Variants in CDH7 observed in about 807,000 individuals in gnomAD.
CDH7 encodes the protein cadherin 7.
In CDH7, 25 loss-of-function variants were observed where a neutral mutation model predicts 71.8. That is an observed-to-expected ratio of 0.35 (90% CI 0.25 to 0.49). The LOEUF is 0.49. CDH7 is among the 20% of genes least tolerant of loss of function. The pLI, the probability that CDH7 is intolerant of heterozygous loss-of-function variation, is 0.99. For synonymous variants in CDH7, 381 were observed against 363.8 expected, an observed-to-expected ratio of 1.05 and a Z score of -0.54; for missense variants, 862 against 974.6, an observed-to-expected ratio of 0.88 and a Z score of 1.54.
intron 8 of CDH7, among the ~76,000 whole-genome samples, chr18:65,858,569 A>G (rs1384709744): frequency 6.6e-6 from 1 of 151,982 alleles, no homozygotes; most frequent in African/African-American, 2.4e-5. Flanking sequence ...ATCAGGGACT[A>G]AAAAACTACA....
chr18:65,775,525 C>G (rs1909905609), intron 2 of CDH7, among the ~76,000 whole-genome samples: 1 of 152,102 alleles, frequency 6.6e-6, no homozygotes, highest in African/African-American at 2.4e-5. Context: ...GTTTTATTTT[C>G]AAGCATATTT....
In CDH7 at chr18:65,809,712, T is replaced by C; in HGVS notation, c.219T>C (p.Ser73=). ...CATGAATTTTTCACCAGCTTCACTC[T>C]GATGTTGATAAAGGAGATGGTTCCA... is the stretch of plus-strand genomic sequence containing the variant. ...SDPLYVGKLH[S]DVDKGDGSIK... is the part of the protein sequence containing the mutation. Residue 73 remains serine (S), a synonymous_variant, in exon 3 of 12, where the codon TCT becomes TCC. Transcript: ENST00000397968. 4 of 1,612,560 alleles carry C rather than the reference T, an allele frequency of 2.5e-6. No homozygotes were observed. Among genetic ancestry groups the C allele is most frequent in the Non-Finnish European group, 3.4e-6 (4 of 1,178,776 alleles).
intron 11 of CDH7, among the ~76,000 whole-genome samples, chr18:65,869,218 C>T (rs1343745634): frequency 1.2e-5 from 1 of 80,920 alleles, no homozygotes; most frequent in Non-Finnish European, 2.6e-5. Flanking sequence ...GATTTTTGTC[C>T]AGGGTCTTTT....
intron 2 of CDH7, among the ~76,000 whole-genome samples, chr18:65,808,622 T>A (rs1911412255): frequency 6.6e-6 from 1 of 151,980 alleles, no homozygotes; most frequent in Non-Finnish European, 1.5e-5. Flanking sequence ...CAAAAGGCAA[T>A]GTCCTCAACA....
rs1914433589 is a variant in CDH7, at chr18:65,888,634, C to A, written c.*7740C>A. 6.6e-6 allele frequency: 1 copy of A among 152,032 alleles called. No individual in the cohort carries two copies. Among genetic ancestry groups the A allele is most frequent in the Non-Finnish European group, 1.5e-5 (1 of 68,020 alleles). The allele number at this position is 152,032 out of a possible 1,614,324, so 9.4% of individuals were successfully genotyped here. ...AATTTTAAGTTAGATAACATTCTAA[C>A]ATATACATGGTTTCAATTTTCTTAT... On this transcript the variant is annotated 3_prime_UTR_variant, in exon 12 of 12. Coordinates refer to ENST00000397968, the MANE Select transcript of CDH7 (RefSeq NM_004361.5).
At chr18:65,757,564 A>T (rs1051593403) in intron 1 of CDH7, among the ~76,000 whole-genome samples, 7 of 152,160 alleles carry the variant, frequency 4.6e-5, no homozygotes, top group Middle Eastern at 3.2e-3. Flanking sequence ...GCCTTAAAAT[A>T]TCAAACAAAA....
rs755990764 is a variant in CDH7 at position 65,843,773 on chromosome 18, TA to T, written c.982-37del. ...AAAAGGCTCTGCTTTGCTGACTGTTTAACCGGTAATTTAATTTTCCTAACGA... is the reference window on the plus strand; with the variant it reads ...AAAAGGCTCTGCTTTGCTGACTGTTTACCGGTAATTTAATTTTCCTAACGA... On this transcript the variant is annotated intron_variant, in intron 6 of 11. Coordinates refer to ENST00000397968, the MANE Select transcript of CDH7 (RefSeq NM_004361.5). 2.7e-6 allele frequency: 4 copies of T among 1,469,044 alleles called. No homozygotes were observed. The South Asian group carries it at 5.8e-5, about 21-fold the overall frequency. The allele number at this position is 1,469,044 out of a possible 1,614,324, so 91.0% of individuals were successfully genotyped here.
intron 2 of CDH7, among the ~76,000 whole-genome samples, chr18:65,778,010 C>T (rs1428400947): frequency 6.6e-6 from 1 of 152,056 alleles, no homozygotes; most frequent in Non-Finnish European, 1.5e-5. Context: ...TGGTGGCTCA[C>T]GCCTATAATC....
Position 65,770,933 on chromosome 18 carries a change from A to G in CDH7, c.210+7881A>G, listed in dbSNP as rs147286511. On this transcript the variant is annotated intron_variant, in intron 2 of 11. Coordinates refer to ENST00000397968, the MANE Select transcript of CDH7 (RefSeq NM_004361.5). ...AGATTAGATAACTTAAACAATAGAA[A>G]TTTCTTTCTCATCGTTCTGGCTGAG... Among the ~76,000 whole-genome samples the G allele has an allele frequency of 2.0e-3, 307 of 152,296 alleles. 2 individuals are homozygous for G. Among genetic ancestry groups the G allele is most frequent in the Middle Eastern group, 0.01 (3 of 294 alleles).
intron 11 of CDH7, among the ~76,000 whole-genome samples, chr18:65,872,267 G>A (rs964651217): frequency 2.6e-5 from 4 of 152,106 alleles, no homozygotes; most frequent in African/African-American, 9.7e-5. Flanking sequence ...GTCATTGGTA[G>A]CCTTGGTCCC....
At chr18:65,844,975 A>T (rs1337376396) in intron 7 of CDH7, among the ~76,000 whole-genome samples, 1 of 152,030 alleles carries the variant, frequency 6.6e-6, no homozygotes, top group African/African-American at 2.4e-5. Context: ...CTATCCACAG[A>T]CTTTTAGATT....
At position 65,887,516 on chromosome 18, in the gene CDH7, A is replaced by T. The variant is rs1040369654; in HGVS notation, c.*6622A>T. On this transcript the variant is annotated 3_prime_UTR_variant, in exon 12 of 12. Coordinates refer to ENST00000397968, the MANE Select transcript of CDH7 (RefSeq NM_004361.5). ...ATGCAGTAATTTTAAATGCCCAAAA[A>T]TAAAAGGAAAAGGAAAAATAAGTCA... 2 of 151,524 alleles carry T rather than the reference A, an allele frequency of 1.3e-5. No individual in the cohort carries two copies. The highest frequency in any genetic ancestry group is 2.9e-5 in the Non-Finnish European group (2 of 67,952). The allele number at this position is 151,524 out of a possible 1,614,324, so 9.4% of individuals were successfully genotyped here.
At chr18:65,822,604 A>G (rs1911977362) in intron 5 of CDH7, among the ~76,000 whole-genome samples, 1 of 152,066 alleles carries the variant, frequency 6.6e-6, no homozygotes, top group African/African-American at 2.4e-5. Context: ...GTTGCCAATT[A>G]ATAATATTCA....
In CDH7 at chr18:65,807,809, A is replaced by T. The variant is rs540005456; in HGVS notation, c.211-1895A>T. ...CCTTCTCATAAGTCATAAAATGCAC[A>T]CATGGAAACCACTGGAAGCACTGAG... On this transcript the variant is annotated intron_variant, in intron 2 of 11. Transcript: ENST00000397968. Among the ~76,000 whole-genome samples the T allele has an allele frequency of 2.6e-5, 4 of 152,346 alleles. 1 individual carries two copies. In the East Asian group the frequency reaches 7.7e-4, roughly 29 times the overall value.
intron 2 of CDH7, among the ~76,000 whole-genome samples, chr18:65,782,271 A>G (rs1196791452): frequency 6.6e-6 from 1 of 151,274 alleles, no homozygotes; most frequent in Non-Finnish European, 1.5e-5. Context: ...GGTTCAAGCA[A>G]TTCTGCCACT....
intron 1 of CDH7, among the ~76,000 whole-genome samples, chr18:65,753,391 T>C (rs2143767012): frequency 6.6e-6 from 1 of 152,346 alleles, no homozygotes; most frequent in Admixed American, 6.5e-5. Flanking sequence ...ACAATCTTCC[T>C]GGATTTCATA....
In CDH7 at chr18:65,781,771, C is replaced by CTTTCTTTCT. The variant is rs1568181257; in HGVS notation, c.210+18721_210+18722insTCTTTCTTT. On this transcript the variant is annotated intron_variant, in intron 2 of 11. Coordinates refer to ENST00000397968, the MANE Select transcript of CDH7 (RefSeq NM_004361.5). ...GTTGATTTCTTTCTTTCTTTCTTTC[C>CTTTCTTTCT]TTCCTTCCTTCCTTCCTTCCTTCCT... Among the ~76,000 whole-genome samples the CTTTCTTTCT allele has an allele frequency of 1.6e-3, 63 of 39,062 alleles. 10 individuals carry two copies. The highest frequency in any genetic ancestry group is 5.8e-3 in the African/African-American group (59 of 10,256). 25.6% of individuals were successfully genotyped at this position (39,062 alleles called of 152,430 possible). A position where few individuals can be genotyped will look rare whatever the true frequency, so the allele number is the denominator to read the frequency against.
At chr18:65,845,651 G>A (rs1325309792) in intron 7 of CDH7, among the ~76,000 whole-genome samples, 1 of 151,982 alleles carries the variant, frequency 6.6e-6, no homozygotes, top group Non-Finnish European at 1.5e-5. Flanking sequence ...GGACAATTTG[G>A]TTTCTGCTTG....
rs1248820374 is a variant in CDH7 at position 65,884,424 on chromosome 18, A to T, written c.*3530A>T. 1 of 152,136 alleles carries T rather than the reference A, an allele frequency of 6.6e-6. No individual in the cohort carries two copies. Among genetic ancestry groups the T allele is most frequent in the Non-Finnish European group, 1.5e-5 (1 of 68,010 alleles). 9.4% of individuals were successfully genotyped at this position (152,136 alleles called of 1,614,324 possible). On this transcript the variant is annotated 3_prime_UTR_variant, in exon 12 of 12. Coordinates refer to ENST00000397968, the MANE Select transcript of CDH7 (RefSeq NM_004361.5). The stretch of plus-strand genomic sequence containing the variant: ...CCAGGAAGCTCTGCTGATGACTACA[A>T]TTGAGGTTAGTTGTCTACAAGATAC...
Sources: gnomAD v4.1 joint callset for allele counts (sites outside exome capture counted in the v4.1 genomes callset) on GRCh38, gnomAD v4.1.1 for gene constraint, MANE v1.5 for transcripts, NCBI Gene and HGNC (gene_info 2026-07-23, HGNC 2026-07-21) for gene names.